The following MGAT4C variants were observed in gnomAD, a reference collection of about 807,000 sequenced individuals.
The protein encoded by MGAT4C is MGAT4 family member C.
MGAT4C carries 19 observed loss-of-function variants against 40.1 expected under a neutral mutation model. That is an observed-to-expected ratio of 0.47 (90% CI 0.33 to 0.70). The LOEUF (loss-of-function observed/expected upper bound fraction) is 0.70, where lower values mean the gene tolerates loss of function less well. Ranked by LOEUF, MGAT4C falls within the 30% of genes least tolerant of loss-of-function variation. The pLI is 0.02. For synonymous variants in MGAT4C, 181 were observed against 187.1 expected (o/e 0.97, Z 0.27); for missense variants, 491 against 563.2 (o/e 0.87, Z 1.30).
rs1044763821 is a variant in MGAT4C, at chr12:85,966,931, A to G, written c.*12358T>C. The G allele has an allele frequency of 6.6e-6, 1 of 151,856 alleles. No individual in the cohort carries two copies. The highest frequency in any genetic ancestry group is 1.5e-5 in the Non-Finnish European group (1 of 67,980). The allele number at this position is 151,856 out of a possible 1,614,324, so 9.4% of individuals were successfully genotyped here. On this transcript the variant is annotated 3_prime_UTR_variant, in exon 5 of 5. Transcript: ENST00000611864. ...GAGGGGGGAGGGATAGCATTAGGAG[A>G]TATACCTAATGTTAAATGACGAGTT... is the stretch of plus-strand genomic sequence containing the variant.
chr12:86,087,421 T>C (rs1474775070), intron 1 of MGAT4C, among the ~76,000 whole-genome samples: 3 of 152,122 alleles, frequency 2.0e-5, no homozygotes, highest in African/African-American at 7.2e-5. Context: ...TTTAACTTAT[T>C]TTACAATTCC....
intron 4 of MGAT4C, among the ~76,000 whole-genome samples, chr12:86,262,507 T>C (rs929611246): frequency 2.0e-5 from 3 of 152,118 alleles, no homozygotes; most frequent in Admixed American, 1.3e-4. Flanking sequence ...CCTTATATCC[T>C]GATAGCTCTC....
chr12:86,539,654 T>G (rs1368624795), intron 2 of MGAT4C, among the ~76,000 whole-genome samples: 1 of 152,168 alleles, frequency 6.6e-6, no homozygotes, highest in Non-Finnish European at 1.5e-5. Context: ...TGTAAAAGTG[T>G]TTCTATTTCT....
chr12:86,828,369 T>C (rs923285661), intron 1 of MGAT4C, among the ~76,000 whole-genome samples: 4 of 151,608 alleles, frequency 2.6e-5, no homozygotes, highest in Non-Finnish European at 5.9e-5. Context: ...ATAAGTAATC[T>C]AATCTTATCA....
chr12:86,819,525 T>C (rs1436972555), intron 1 of MGAT4C, among the ~76,000 whole-genome samples: 2 of 150,940 alleles, frequency 1.3e-5, no homozygotes, highest in Non-Finnish European at 3.0e-5. Flanking sequence ...AGTCAATAAG[T>C]GGTGTATGAA....
At position 86,230,644 on chromosome 12, in the gene MGAT4C, T is replaced by C. The variant is rs115421729; in HGVS notation, c.-57+25595A>G. On this transcript the variant is annotated intron_variant, in intron 1 of 4. Transcript: ENST00000611864. The stretch of plus-strand genomic sequence containing the variant: ...GATGCCAACATATCGTTTGCCAGTC[T>C]GATCAGGAAAAGGAACACAAAACAC... Among the ~76,000 whole-genome samples, 494 of 152,220 alleles carry C rather than the reference T, an allele frequency of 3.2e-3. 2 individuals carry two copies. Among genetic ancestry groups the C allele is most frequent in the African/African-American group, 0.011 (454 of 41,550 alleles).
At chr12:86,164,989 G>A (rs1271370392) in intron 1 of MGAT4C, among the ~76,000 whole-genome samples, 1 of 151,938 alleles carries the variant, frequency 6.6e-6, no homozygotes, top group East Asian at 1.9e-4. Flanking sequence ...TGAATATCTG[G>A]GACATATGGT....
In MGAT4C at chr12:86,376,213, C is replaced by T. The variant is rs559410372; in HGVS notation, c.-119-42086G>A. 6.7e-5 allele frequency among the ~76,000 whole-genome samples: 8 copies of T among 118,914 alleles called. No individual in the cohort carries two copies. The South Asian group carries it at 1.7e-3, about 25-fold the overall frequency. 78.0% of individuals were successfully genotyped at this position (118,914 alleles called of 152,430 possible). On this transcript the variant is annotated intron_variant, in intron 3 of 7. Transcript: ENST00000548651. Reference sequence around the variant, plus strand: ...CAGCCTGAGAGACATGGAGATAACACATGTCAAAAAAAAAAAAAAAAAAAA... The same window carrying T: ...CAGCCTGAGAGACATGGAGATAACATATGTCAAAAAAAAAAAAAAAAAAAA...
rs61626246 is a variant in MGAT4C, at chr12:86,191,632, AACACACACACACACAC to A, written c.-57+64591_-57+64606del. ...ATCTATCCTGAAAAACAAAAAACAA[AACACACACACACACAC>A]ACACACACACACACACACACACACA... On this transcript the variant is annotated intron_variant, in intron 1 of 4. Transcript: ENST00000611864. Among the ~76,000 whole-genome samples the A allele has an allele frequency of 8.4e-4, 102 of 121,998 alleles. 1 individual carries two copies. The highest frequency in any genetic ancestry group is 2.5e-3 in the African/African-American group (87 of 34,276). The allele number at this position is 121,998 out of a possible 152,430, so 80.0% of individuals were successfully genotyped here. A position where few individuals can be genotyped will look rare whatever the true frequency, so the allele number is the denominator to read the frequency against.
At chr12:86,251,086 T>G (rs1463953489) in intron 1 of MGAT4C, among the ~76,000 whole-genome samples, 1 of 149,982 alleles carries the variant, frequency 6.7e-6, no homozygotes, top group East Asian at 1.9e-4. Context: ...GATTAGTTCA[T>G]GAAATTTTCA....
intron 1 of MGAT4C, among the ~76,000 whole-genome samples, chr12:86,055,139 C>G (rs766595638): frequency 2.4e-4 from 37 of 151,906 alleles, no homozygotes; most frequent in Non-Finnish European, 4.3e-4. Context: ...GCATATTTTT[C>G]ATTTTTATCA....
rs367996590 is a variant in MGAT4C, at chr12:86,266,019, C to G, written c.-57+68046G>C. 7.9e-5 allele frequency among the ~76,000 whole-genome samples: 12 copies of G among 152,228 alleles called. No individual in the cohort carries two copies. The South Asian group carries it at 8.3e-4, about 11-fold the overall frequency. On this transcript the variant is annotated intron_variant, in intron 4 of 7. Transcript: ENST00000548651. ...CTTCAAGTTTACTGAATTCATTTATCAAATTTAAGAGCTTTTTCTAGAATT... is the reference window on the plus strand; with the variant it reads ...CTTCAAGTTTACTGAATTCATTTATGAAATTTAAGAGCTTTTTCTAGAATT...
chr12:86,338,399 G>A (rs1030893347), intron 3 of MGAT4C, among the ~76,000 whole-genome samples: 2 of 152,156 alleles, frequency 1.3e-5, no homozygotes, highest in African/African-American at 4.8e-5. Context: ...TTTAGGGAGG[G>A]TCAGAATCTT....
intron 2 of MGAT4C, among the ~76,000 whole-genome samples, chr12:86,582,437 G>A (rs1441186981): frequency 1.3e-5 from 2 of 151,214 alleles, no homozygotes; most frequent in Non-Finnish European, 3.0e-5. Flanking sequence ...GAGCCAATTT[G>A]TTTGCTTGAA....
At chr12:86,424,047 T>C (rs927551853) in intron 3 of MGAT4C, among the ~76,000 whole-genome samples, 1 of 152,198 alleles carries the variant, frequency 6.6e-6, no homozygotes, top group Non-Finnish European at 1.5e-5. Flanking sequence ...TGGTTATTTG[T>C]GTAAGGATGA....
At chr12:86,705,450 A>G (rs1315936058) in intron 2 of MGAT4C, among the ~76,000 whole-genome samples, 4 of 152,204 alleles carry the variant, frequency 2.6e-5, no homozygotes, top group African/African-American at 9.6e-5. Context: ...AGGTTTCACA[A>G]CAGAATTGAA....
chr12:86,474,171 C>A (rs1455301099), intron 2 of MGAT4C, among the ~76,000 whole-genome samples: 1 of 151,702 alleles, frequency 6.6e-6, no homozygotes, highest in Non-Finnish European at 1.5e-5. Context: ...CACATATACA[C>A]CATGGAATAC....
intron 2 of MGAT4C, among the ~76,000 whole-genome samples, chr12:86,606,704 A>T (rs1380810754): frequency 6.6e-6 from 1 of 152,116 alleles, no homozygotes; most frequent in Non-Finnish European, 1.5e-5. Context: ...GTTCAAATTC[A>T]GTGTTATGTA....
chr12:86,834,185 TAG>T (rs1952990534), intron 1 of MGAT4C, among the ~76,000 whole-genome samples: 2 of 140,874 alleles, frequency 1.4e-5, no homozygotes, highest in Middle Eastern at 3.8e-3. Flanking sequence ...GATATAGATA[TAG>T]ATATAGATAT....
Sources: allele counts gnomAD v4.1 joint callset (sites outside exome capture counted in the v4.1 genomes callset), GRCh38; gene constraint gnomAD v4.1.1; transcripts MANE v1.5; gene names NCBI Gene and HGNC (gene_info 2026-07-23, HGNC 2026-07-21).